FBLN2: variants seen among roughly 807,000 people sequenced by gnomAD.
FBLN2 encodes fibulin-2.
In FBLN2, 81 loss-of-function variants were observed where a neutral mutation model predicts 123.7. That is an observed-to-expected ratio of 0.65 (90% CI 0.55 to 0.79). FBLN2 has a LOEUF of 0.79. FBLN2 is among the 30% of genes least tolerant of loss of function. The pLI, the probability that FBLN2 is intolerant of heterozygous loss-of-function variation, is 0.00. For synonymous variants in FBLN2, 699 were observed against 701.4 expected (o/e 1.00, Z 0.05); for missense variants, 1,603 against 1,681.3 (o/e 0.95, Z 0.81).
At chr3:13,620,918 G>T (rs944905768) in intron 8 of FBLN2, among the ~76,000 whole-genome samples, 1 of 152,232 alleles carries the variant, frequency 6.6e-6, no homozygotes, top group Admixed American at 6.5e-5. Flanking sequence ...GCAGTGACCG[G>T]CAGGCCTTCC....
At chr3:13,626,033 T>C (rs1468843257) in intron 9 of FBLN2, among the ~76,000 whole-genome samples, 1 of 152,064 alleles carries the variant, frequency 6.6e-6, no homozygotes, top group Non-Finnish European at 1.5e-5. Context: ...TGAGAATCCA[T>C]CCCTGACCCA....
intron 5 of FBLN2, 51 bp from the exon 6 acceptor site, chr3:13,618,025 C>T: frequency 5.7e-6 from 9 of 1,570,758 alleles, no homozygotes; most frequent in Non-Finnish European, 7.0e-6. Flanking sequence ...TTGTCTCAGC[C>T]ACCTACTCTG....
At chr3:13,578,498 C>T (rs1331360185) in intron 2 of FBLN2, among the ~76,000 whole-genome samples, 3 of 152,204 alleles carry the variant, frequency 2.0e-5, no homozygotes, top group Non-Finnish European at 4.4e-5. Flanking sequence ...ACGATGTTTT[C>T]AGGGTCCATT....
rs554387739 is a variant in FBLN2 at position 13,621,945 on chromosome 3, G to A, written c.2296+30G>A. The A allele has an allele frequency of 5.9e-5, 95 of 1,603,508 alleles. No individual in the cohort carries two copies. The South Asian group carries it at 8.1e-4, about 14-fold the overall frequency. On this transcript the variant is annotated intron_variant, in intron 9 of 17. Transcript: ENST00000404922. The stretch of plus-strand genomic sequence containing the variant: ...GCCAGGGCCCCGCCTGCCGCCCGCC[G>A]TCACAGCTCTCCGCTCTGCTCCACG...
chr3:13,636,217 G>A (rs538915592), intron 16 of FBLN2, among the ~76,000 whole-genome samples: 84 of 152,348 alleles, frequency 5.5e-4, no homozygotes, highest in African/African-American at 1.9e-3. Context: ...ATTCTGGAGC[G>A]CGAGAAGCCT....
At chr3:13,596,101 G>A (rs1704832542) in intron 2 of FBLN2, among the ~76,000 whole-genome samples, 1 of 152,142 alleles carries the variant, frequency 6.6e-6, no homozygotes, top group African/African-American at 2.4e-5. Flanking sequence ...CAGATCTAAC[G>A]CTTTTTAACA....
intron 2 of FBLN2, among the ~76,000 whole-genome samples, chr3:13,574,835 G>A (rs1704081303): frequency 6.6e-6 from 1 of 152,180 alleles, no homozygotes; most frequent in Non-Finnish European, 1.5e-5. Flanking sequence ...TCCCCCAAGA[G>A]GCTCAGTTGG....
chr3:13,630,342 C>T (rs1706214441), intron 14 of FBLN2, among the ~76,000 whole-genome samples: 1 of 152,254 alleles, frequency 6.6e-6, no homozygotes, highest in East Asian at 1.9e-4. Flanking sequence ...CTGTTGGCCC[C>T]AGCTCAGTGG....
intron 2 of FBLN2, among the ~76,000 whole-genome samples, chr3:13,587,700 T>G (rs1424369197): frequency 6.6e-6 from 1 of 152,180 alleles, no homozygotes; most frequent in Non-Finnish European, 1.5e-5. Flanking sequence ...TAAGAAACAT[T>G]TTACAGCCTA....
At chr3:13,562,356 CTTTT>C (rs377434279) in intron 1 of FBLN2, among the ~76,000 whole-genome samples, 1 of 135,154 alleles carries the variant, frequency 7.4e-6, no homozygotes, top group African/African-American at 2.7e-5. Flanking sequence ...ATGAAGTTTA[CTTTT>C]TTTTTTTTTT....
chr3:13,550,568 G>A (rs1703295553), intron 1 of FBLN2, among the ~76,000 whole-genome samples: 1 of 152,234 alleles, frequency 6.6e-6, no homozygotes, highest in African/African-American at 2.4e-5. Context: ...AGGGAGCCCT[G>A]ATGAATTGGG....
intron 17 of FBLN2, 131 bp from the exon 18 acceptor site, chr3:13,637,431 G>A (rs1326157079): frequency 1.3e-6 from 1 of 799,164 alleles, no homozygotes; most frequent in Non-Finnish European, 1.9e-6. Flanking sequence ...AAGGGGACTT[G>A]CCTGAGGCTT....
At chr3:13,585,919 G>A (rs375336169) in intron 2 of FBLN2, among the ~76,000 whole-genome samples, 1 of 152,220 alleles carries the variant, frequency 6.6e-6, no homozygotes, top group African/African-American at 2.4e-5. Flanking sequence ...ATTTTGGTAG[G>A]CCTAGGGCAC....
rs1300307987 is a variant in FBLN2, at chr3:13,571,016, G to A, written c.661G>A (p.Val221Ile). 3.8e-6 allele frequency: 6 copies of A among 1,590,008 alleles called. No individual in the cohort carries two copies. In the South Asian group the frequency reaches 6.8e-5, roughly 18 times the overall value. ...GGGGGGTGAGGTCCAGGCGGGTGCA[G>A]TCCAGGCAGGCGCAGGGGGCCCCCC... Reference protein sequence around the residue: ...ALGGEVQAGAVQAGAGGPPAA... With the variant: ...ALGGEVQAGAIQAGAGGPPAA... The change falls in exon 2 of 18, where the codon GTC becomes ATC. Residue 221 changes from valine (V) to isoleucine (I), a missense_variant. Transcript: ENST00000404922.
chr3:13,599,879 A>G (rs1248228887), intron 2 of FBLN2, among the ~76,000 whole-genome samples: 1 of 146,484 alleles, frequency 6.8e-6, no homozygotes, highest in African/African-American at 2.5e-5. Context: ...TGCATGTGAC[A>G]TGGGGGGCGG....
chr3:13,569,077 T>G (rs908811), intron 1 of FBLN2: 814,893 of 984,762 alleles, frequency 0.83, 337,959 homozygotes, highest in East Asian at 1. Flanking sequence ...TCTATAAGAG[T>G]CAGGTACGGC....
At chr3:13,555,203 T>A (rs1052646548) in intron 1 of FBLN2, among the ~76,000 whole-genome samples, 51 of 152,170 alleles carry the variant, frequency 3.4e-4, no homozygotes, top group African/African-American at 1.2e-3. Context: ...CCACCTGTCT[T>A]GGCCTCCCAA....
intron 2 of FBLN2, among the ~76,000 whole-genome samples, chr3:13,605,601 C>A (rs1008516917): frequency 2.6e-5 from 4 of 152,168 alleles, no homozygotes; most frequent in South Asian, 2.1e-4. Context: ...ATCCTCCCCC[C>A]CAGTGATGGA....
rs1553619722 is a variant in FBLN2, at chr3:13,600,036, A to AGC, written c.1307-8025_1307-8024insCG. ...ACACGACAGAGAGAGAGAGAGAGAG[A>AGC]GAGAGAGAGCGAGAGAGAGAGAGAG... On this transcript the variant is annotated intron_variant, in intron 2 of 17. Transcript: ENST00000404922. Among the ~76,000 whole-genome samples, 20 of 144,608 alleles carry AGC rather than the reference A, an allele frequency of 1.4e-4. 1 individual carries two copies. The highest frequency in any genetic ancestry group is 5.1e-4 in the African/African-American group (18 of 35,288). 94.9% of individuals were successfully genotyped at this position (144,608 alleles called of 152,430 possible). A position where few individuals can be genotyped will look rare whatever the true frequency, so the allele number is the denominator to read the frequency against.
Sources: allele counts gnomAD v4.1 joint callset (sites outside exome capture counted in the v4.1 genomes callset), GRCh38; gene constraint gnomAD v4.1.1; transcripts MANE v1.5; gene names NCBI Gene and HGNC (gene_info 2026-07-23, HGNC 2026-07-21).